The following GRIK2 variants were observed in gnomAD, a reference collection of about 807,000 sequenced individuals.
The protein encoded by GRIK2 is glutamate receptor ionotropic, kainate 2.
In GRIK2, 32 loss-of-function variants were observed where a neutral mutation model predicts 100.3. That is an observed-to-expected ratio of 0.32 (90% CI 0.24 to 0.43). The LOEUF is 0.43. Among genes scored for constraint, GRIK2 ranks in the 20% least tolerant of loss-of-function variants. The pLI is 1.00. For missense variants in GRIK2, 843 were observed against 1,114.9 expected (o/e 0.76, Z 3.47); for synonymous variants, 417 against 389.4 (o/e 1.07, Z -0.83).
At chr6:101,659,566 C>T (rs1015694543) in intron 4 of GRIK2, among the ~76,000 whole-genome samples, 5 of 152,078 alleles carry the variant, frequency 3.3e-5, no homozygotes, top group African/African-American at 7.2e-5. Flanking sequence ...TTCATAGTGT[C>T]GATGGTCTTT....
intron 14 of GRIK2, among the ~76,000 whole-genome samples, chr6:101,952,780 T>G (rs1297745493): frequency 6.6e-6 from 1 of 152,106 alleles, no homozygotes; most frequent in Non-Finnish European, 1.5e-5. Flanking sequence ...TTTTTTGTAT[T>G]TTTAGTAGAG....
intron 14 of GRIK2, among the ~76,000 whole-genome samples, chr6:101,937,779 G>A (rs1790708665): frequency 6.6e-6 from 1 of 151,854 alleles, no homozygotes; most frequent in Non-Finnish European, 1.5e-5. Context: ...TTTGGGGGTG[G>A]GGGGTGTTGC....
At chr6:101,530,250 T>C (rs925654345) in intron 2 of GRIK2, among the ~76,000 whole-genome samples, 3 of 152,136 alleles carry the variant, frequency 2.0e-5, no homozygotes, top group Admixed American at 6.6e-5. Context: ...TGCATATATT[T>C]AAATCTAGAG....
At chr6:102,061,139 C>T (rs778358346) in intron 16 of GRIK2, among the ~76,000 whole-genome samples, 1 of 150,508 alleles carries the variant, frequency 6.6e-6, no homozygotes, top group African/African-American at 2.4e-5. Context: ...TACTGATCTA[C>T]TTCCAAATCA....
At position 101,707,825 on chromosome 6, in the gene GRIK2, A is replaced by G. The variant is rs1476330943; in HGVS notation, c.951+21472A>G. 2.6e-5 allele frequency among the ~76,000 whole-genome samples: 4 copies of G among 151,606 alleles called. No homozygotes were observed. In the East Asian group the frequency reaches 7.8e-4, roughly 29 times the overall value. ...GATTGCAAGATCTCTCAGTAGTTCT[A>G]GATGAGAATTCATTGTTATTTTTCG... On this transcript the variant is annotated intron_variant, in intron 7 of 16. Coordinates refer to ENST00000369134, the MANE Select transcript of GRIK2 (RefSeq NM_021956.5).
intron 2 of GRIK2, among the ~76,000 whole-genome samples, chr6:101,439,373 A>G (rs778890213): frequency 1.3e-5 from 2 of 152,114 alleles, no homozygotes; most frequent in Non-Finnish European, 1.5e-5. Flanking sequence ...TGCAACAGCC[A>G]TGTAGTGTGT....
chr6:101,520,416 A>G (rs543583949), intron 2 of GRIK2, among the ~76,000 whole-genome samples: 1 of 151,290 alleles, frequency 6.6e-6, no homozygotes, highest in Admixed American at 6.6e-5. Context: ...AGCCTCAGAA[A>G]TAATATGTAA....
At chr6:101,865,054 A>T (rs1784965769) in intron 11 of GRIK2, among the ~76,000 whole-genome samples, 1 of 152,224 alleles carries the variant, frequency 6.6e-6, no homozygotes, top group Non-Finnish European at 1.5e-5. Flanking sequence ...TACTTTTTAA[A>T]TTATGTTCAT....
At chr6:101,477,311 G>C (rs1249823259) in intron 2 of GRIK2, among the ~76,000 whole-genome samples, 1 of 152,150 alleles carries the variant, frequency 6.6e-6, no homozygotes, top group African/African-American at 2.4e-5. Context: ...TGGTGTTAGG[G>C]AGAAGAGCAG....
chr6:101,975,769 ATG>A (rs767690067), intron 14 of GRIK2, among the ~76,000 whole-genome samples: 1 of 134,080 alleles, frequency 7.5e-6, no homozygotes, highest in Non-Finnish European at 1.6e-5. Context: ...TATTTTATCT[ATG>A]TGTCTATCTG....
intron 2 of GRIK2, among the ~76,000 whole-genome samples, chr6:101,470,675 C>A (rs1771900805): frequency 6.6e-6 from 1 of 152,086 alleles, no homozygotes; most frequent in Admixed American, 6.6e-5. Flanking sequence ...TCATTATACT[C>A]AGACTTTGTG....
chr6:101,463,257 G>T (rs1771437425), intron 2 of GRIK2, among the ~76,000 whole-genome samples: 1 of 152,040 alleles, frequency 6.6e-6, no homozygotes, highest in South Asian at 2.1e-4. Context: ...GTTAAAAAAA[G>T]AAACTGTAGT....
At chr6:101,739,957 G>C (rs1012893241) in intron 7 of GRIK2, among the ~76,000 whole-genome samples, 3 of 152,070 alleles carry the variant, frequency 2.0e-5, no homozygotes, top group Non-Finnish European at 2.9e-5. Context: ...AGCCTTTATA[G>C]ACATTGTTTT....
chr6:101,558,665 GCTT>G (rs1216389757), intron 2 of GRIK2, among the ~76,000 whole-genome samples: 1 of 62,274 alleles, frequency 1.6e-5, no homozygotes, highest in Non-Finnish European at 3.2e-5. Context: ...CCTCCCCTTT[GCTT>G]CTTTTTTTTT....
intron 14 of GRIK2, among the ~76,000 whole-genome samples, chr6:102,005,221 T>A (rs1795149422): frequency 6.6e-6 from 1 of 150,698 alleles, no homozygotes; most frequent in East Asian, 1.9e-4. Context: ...ATAGACATAA[T>A]ACACACATAC....
Position 102,068,558 on chromosome 6 carries a change from A to C in GRIK2, c.*47A>C, listed in dbSNP as rs146360806. 892 of 1,549,274 alleles carry C rather than the reference A, an allele frequency of 5.8e-4. 2 individuals are homozygous for C. The highest frequency in any genetic ancestry group is 1.4e-3 in the Middle Eastern group (8 of 5,862). ...AGCACAAACTGTCGTCTTTTTCCAA[A>C]CAATTTAGCCAGAATGTTTCCTGTG... is the stretch of plus-strand genomic sequence containing the variant. On this transcript the variant is annotated 3_prime_UTR_variant, in exon 17 of 17. Transcript: ENST00000369134.
At chr6:101,623,399 T>C (rs548919735) in intron 3 of GRIK2, among the ~76,000 whole-genome samples, 116 of 152,230 alleles carry the variant, frequency 7.6e-4, no homozygotes, top group African/African-American at 2.7e-3. Context: ...CTGTGAAATA[T>C]TACATTTGTC....
chr6:101,547,111 G>A (rs894671046), intron 2 of GRIK2, among the ~76,000 whole-genome samples: 5 of 151,932 alleles, frequency 3.3e-5, no homozygotes, highest in African/African-American at 9.7e-5. Flanking sequence ...GATTACAGGC[G>A]TGAGCCACCG....
intron 7 of GRIK2, among the ~76,000 whole-genome samples, chr6:101,708,832 A>G (rs776896399): frequency 3.5e-4 from 53 of 151,880 alleles, no homozygotes; most frequent in Non-Finnish European, 6.8e-4. Context: ...TTATGTCACC[A>G]ACAAAGATAT....
Sources: allele counts gnomAD v4.1 joint callset (sites outside exome capture counted in the v4.1 genomes callset), GRCh38; gene constraint gnomAD v4.1.1; transcripts MANE v1.5; gene names NCBI Gene and HGNC (gene_info 2026-07-23, HGNC 2026-07-21).